PRICKLE1: variants seen among roughly 807,000 people sequenced by gnomAD.
PRICKLE1 encodes prickle-like protein 1.
Under a neutral mutation model 70.2 loss-of-function variants are expected in PRICKLE1, and 14 were observed. The ratio of observed to expected loss-of-function variants is 0.20; its 90% CI spans 0.13 to 0.31. The LOEUF (loss-of-function observed/expected upper bound fraction) is 0.31, where lower values mean the gene tolerates loss of function less well. Among genes scored for constraint, PRICKLE1 ranks in the 10% least tolerant of loss-of-function variants. The pLI, the probability that PRICKLE1 is intolerant of heterozygous loss-of-function variation, is 1.00. For synonymous variants in PRICKLE1, 357 were observed against 379.9 expected (o/e 0.94, Z 0.70); for missense variants, 821 against 1,026.2 (o/e 0.80, Z 2.73).
chr12:42,520,234 C>G (rs1939686141), intron 1 of PRICKLE1, among the ~76,000 whole-genome samples: 5 of 152,218 alleles, frequency 3.3e-5, no homozygotes, highest in Admixed American at 6.5e-5. Context: ...CACTGGAGAA[C>G]AGGTGAGTCC....
intron 1 of PRICKLE1, among the ~76,000 whole-genome samples, chr12:42,541,582 C>T (rs1307222893): frequency 1.3e-5 from 2 of 152,120 alleles, no homozygotes; most frequent in Non-Finnish European, 2.9e-5. Context: ...AAATGATTCT[C>T]CTGCCTCAGC....
chr12:42,515,661 G>A (rs1269022406), intron 1 of PRICKLE1, among the ~76,000 whole-genome samples: 1 of 152,120 alleles, frequency 6.6e-6, no homozygotes, highest in Non-Finnish European at 1.5e-5. Context: ...TGATACTTTG[G>A]TGGACTCCTG....
At chr12:42,544,498 C>T (rs970812676) in intron 1 of PRICKLE1, among the ~76,000 whole-genome samples, 16 of 152,122 alleles carry the variant, frequency 1.1e-4, no homozygotes, top group African/African-American at 3.9e-4. Context: ...CTCCCATCTT[C>T]CCATCTCCCA....
At chr12:42,552,777 T>C (rs1452368289) in intron 1 of PRICKLE1, among the ~76,000 whole-genome samples, 1 of 152,206 alleles carries the variant, frequency 6.6e-6, no homozygotes, top group African/African-American at 2.4e-5. Context: ...AATAGGGAAG[T>C]GGTCTCTTAG....
At position 42,464,296 on chromosome 12, in the gene PRICKLE1, T is replaced by A; in HGVS notation, c.1639+99A>T. ...TCAGCCTCCCATAGTGCTGGAATTATAGGCATGAGCCACTGCGCCTGGCTT... is the reference window on the plus strand; with the variant it reads ...TCAGCCTCCCATAGTGCTGGAATTAAAGGCATGAGCCACTGCGCCTGGCTT... On this transcript the variant is annotated intron_variant, in intron 7 of 7. Coordinates refer to ENST00000345127, the MANE Select transcript of PRICKLE1 (RefSeq NM_153026.3). The surrounding 1 kb of genome is among the most constrained non-coding windows in gnomAD (Gnocchi z 4.2). The A allele has an allele frequency of 1.4e-6, 2 of 1,427,032 alleles. No individual in the cohort carries two copies. The highest frequency in any genetic ancestry group is 2.3e-5 in the East Asian group (1 of 44,034). 88.4% of individuals were successfully genotyped at this position (1,427,032 alleles called of 1,614,324 possible). A position where few individuals can be genotyped will look rare whatever the true frequency, so the allele number is the denominator to read the frequency against.
At chr12:42,554,867 A>C (rs1037740755) in intron 1 of PRICKLE1, among the ~76,000 whole-genome samples, 5 of 151,340 alleles carry the variant, frequency 3.3e-5, no homozygotes, top group Non-Finnish European at 5.9e-5. Flanking sequence ...AATAAAACAA[A>C]ATGGACTAGA....
At chr12:42,477,363 ACT>A (rs1253389002) in intron 1 of PRICKLE1, among the ~76,000 whole-genome samples, 2 of 149,540 alleles carry the variant, frequency 1.3e-5, no homozygotes, top group Admixed American at 1.3e-4. Flanking sequence ...CAAGAGCAAA[ACT>A]CTGTCTCAAA....
At chr12:42,568,843 C>T (rs1940663791) in intron 1 of PRICKLE1, among the ~76,000 whole-genome samples, 1 of 152,124 alleles carries the variant, frequency 6.6e-6, no homozygotes, top group Non-Finnish European at 1.5e-5. Flanking sequence ...CCCTCTTCTA[C>T]CCTCCCATCT....
intron 1 of PRICKLE1, among the ~76,000 whole-genome samples, chr12:42,517,365 T>C (rs1247681592): frequency 7.8e-6 from 1 of 128,700 alleles, no homozygotes; most frequent in Non-Finnish European, 1.5e-5. Context: ...CAGGTTGGAG[T>C]GCAGTGGCAT....
intron 1 of PRICKLE1, among the ~76,000 whole-genome samples, chr12:42,533,743 A>T (rs1391370696): frequency 1.3e-5 from 2 of 152,146 alleles, no homozygotes; most frequent in Non-Finnish European, 2.9e-5. Context: ...TATAGACTAA[A>T]TTTACTCTGA....
At chr12:42,487,283 A>G (rs1345211600) in intron 1 of PRICKLE1, among the ~76,000 whole-genome samples, 1 of 152,172 alleles carries the variant, frequency 6.6e-6, no homozygotes, top group East Asian at 1.9e-4. Flanking sequence ...AGTTACCATT[A>G]CCTGGGTCTG....
chr12:42,462,895 T>A (rs1329760153), intron 7 of PRICKLE1, among the ~76,000 whole-genome samples: 4 of 152,276 alleles, frequency 2.6e-5, no homozygotes, highest in Admixed American at 2.6e-4. Flanking sequence ...AGAACCTATG[T>A]AATGTTTGGC....
intron 1 of PRICKLE1, among the ~76,000 whole-genome samples, chr12:42,553,782 C>T (rs1259848567): frequency 1.3e-5 from 2 of 152,136 alleles, no homozygotes; most frequent in Non-Finnish European, 2.9e-5. Context: ...AATCACTGAA[C>T]ATCTGCCTCA....
chr12:42,477,846 T>C (rs1053808755), intron 1 of PRICKLE1, among the ~76,000 whole-genome samples: 1 of 152,086 alleles, frequency 6.6e-6, no homozygotes, highest in Non-Finnish European at 1.5e-5. Flanking sequence ...ATAATGGAAA[T>C]AGAACTATTC....
intron 1 of PRICKLE1, among the ~76,000 whole-genome samples, chr12:42,568,548 G>T (rs1311289525): frequency 1.3e-5 from 2 of 152,218 alleles, no homozygotes; most frequent in African/African-American, 2.4e-5. Context: ...CATAGGGTAA[G>T]GTGGCAAATA....
intron 1 of PRICKLE1, among the ~76,000 whole-genome samples, chr12:42,550,767 G>A (rs2120650462): frequency 6.6e-6 from 1 of 152,286 alleles, no homozygotes; most frequent in South Asian, 2.1e-4. Flanking sequence ...ACTTAGCTTT[G>A]AGAACGCTCG....
intron 1 of PRICKLE1, among the ~76,000 whole-genome samples, chr12:42,555,895 T>C (rs1373655256): frequency 6.6e-6 from 1 of 152,234 alleles, no homozygotes; most frequent in East Asian, 1.9e-4. Flanking sequence ...TCTATTATTC[T>C]AAGGGCCCAG....
At chr12:42,547,569 T>C (rs970116659) in intron 1 of PRICKLE1, among the ~76,000 whole-genome samples, 1 of 152,180 alleles carries the variant, frequency 6.6e-6, no homozygotes, top group African/African-American at 2.4e-5. Flanking sequence ...TTCCTATCTG[T>C]AAAATGGGAA....
At position 42,517,579 on chromosome 12, in the gene PRICKLE1, T is replaced by C. The variant is rs542504723; in HGVS notation, c.-48-45015A>G. ...CGCCCATCTTGGCTTCCCAAAGTGC[T>C]GGTATTACAGGCTTGAGCCACCGCA... On this transcript the variant is annotated intron_variant, in intron 1 of 7. Coordinates refer to ENST00000345127, the MANE Select transcript of PRICKLE1 (RefSeq NM_153026.3). Among the ~76,000 whole-genome samples the C allele has an allele frequency of 9.9e-5, 15 of 152,246 alleles. No individual in the cohort carries two copies. In the South Asian group the frequency reaches 1.2e-3, roughly 13 times the overall value.
Sources: gnomAD v4.1 joint callset for allele counts (sites outside exome capture counted in the v4.1 genomes callset) on GRCh38, gnomAD v4.1.1 for gene constraint, Gnocchi (gnomAD v3.1) non-coding constraint, MANE v1.5 for transcripts, NCBI Gene and HGNC (gene_info 2026-07-23, HGNC 2026-07-21) for gene names.